The following NUAK1 variants were observed in gnomAD, a reference collection of about 807,000 sequenced individuals.
The protein encoded by NUAK1 is NUAK family SNF1-like kinase 1.
Under a neutral mutation model 56.9 loss-of-function variants are expected in NUAK1, and 26 were observed. The observed-to-expected ratio is 0.46, with a 90% CI of 0.33 to 0.63. The LOEUF is 0.63. NUAK1 is among the 30% of genes least tolerant of loss of function. The pLI, the probability that NUAK1 is intolerant of heterozygous loss-of-function variation, is 0.02. For missense variants in NUAK1, 727 were observed against 876.1 expected, an observed-to-expected ratio of 0.83 and a Z score of 2.15; for synonymous variants, 337 against 336.0, an observed-to-expected ratio of 1.00 and a Z score of -0.03.
At chr12:106,075,480 A>G (rs2032454644) in intron 4 of NUAK1, among the ~76,000 whole-genome samples, 1 of 152,188 alleles carries the variant, frequency 6.6e-6, no homozygotes, top group African/African-American at 2.4e-5. Flanking sequence ...TCTGTAAAAT[A>G]GCGTTAGGAA....
rs185277964 is a variant in NUAK1 at position 106,123,141 on chromosome 12, C to A, written c.240+15273G>T. Among the ~76,000 whole-genome samples the A allele has an allele frequency of 8.7e-4, 133 of 152,240 alleles. 1 individual carries two copies. The East Asian group carries it at 0.015, about 17-fold the overall frequency. ...ATCGTTACTGGGTGCTTAGTGCATA[C>A]CAGGAACTGTTCTAGACACCGGAGA... On this transcript the variant is annotated intron_variant, in intron 1 of 6. Transcript: ENST00000261402.
chr12:106,119,394 CA>C (rs2032951878), intron 1 of NUAK1, among the ~76,000 whole-genome samples: 1 of 152,174 alleles, frequency 6.6e-6, no homozygotes, highest in Non-Finnish European at 1.5e-5. Context: ...GAGCGCCATT[CA>C]GCCCTGAAGA....
chr12:106,119,051 G>T (rs2032948114), intron 1 of NUAK1, among the ~76,000 whole-genome samples: 1 of 152,118 alleles, frequency 6.6e-6, no homozygotes, highest in South Asian at 2.1e-4. Context: ...CAGAGACTGG[G>T]TCTGGCATGC....
In NUAK1 at chr12:106,067,914, C is replaced by G; in HGVS notation, c.874G>C (p.Asp292His). Residue 292 changes from aspartate to histidine, a missense_variant, in exon 7 of 7, where the codon GAT becomes CAT. Asp to His is a moderately conservative substitution (Grantham distance 81). Coordinates refer to ENST00000261402, the MANE Select transcript of NUAK1 (RefSeq NM_014840.3). The surrounding 1 kb of genome is among the most constrained non-coding windows in gnomAD (Gnocchi z 6.0). ...LIRWMLMVNP[D>H]RRATIEDIAN... ...ATGTCCTCAATAGTGGCCCGGCGATCGGGGTTCACCATCAGCATCCACCGT... is the reference window on the plus strand; with the variant it reads ...ATGTCCTCAATAGTGGCCCGGCGATGGGGGTTCACCATCAGCATCCACCGT... 1 of 1,613,226 alleles carries G rather than the reference C, an allele frequency of 6.2e-7. No homozygotes were observed. The highest frequency in any genetic ancestry group is 8.5e-7 in the Non-Finnish European group (1 of 1,179,416).
At position 106,067,539 on chromosome 12, in the gene NUAK1, T is replaced by G. The variant is rs202168878; in HGVS notation, c.1249A>C (p.Ile417Leu). Residue 417 changes from isoleucine to leucine, a missense_variant, in exon 7 of 7, where the codon ATT (isoleucine) becomes CTT (leucine). Physicochemically the swap from Ile to Leu is conservative, Grantham distance 5. Coordinates refer to ENST00000261402, the MANE Select transcript of NUAK1 (RefSeq NM_014840.3). This position sits in a 1 kb window ranked among gnomAD's most constrained non-coding sequence, Gnocchi z 6.0. ...AAGGCAGGACCAACTACACCTTCAA[T>G]GAAGCCAGTGCTGTGAGAGCGATGC... is the stretch of plus-strand genomic sequence containing the variant. ...SEHRSHSTGF[I>L]EGVVGPALPS... 3.7e-5 allele frequency: 60 copies of G among 1,614,112 alleles called. No individual in the cohort carries two copies. The highest frequency in any genetic ancestry group is 5.1e-5 in the Non-Finnish European group (60 of 1,180,042).
chr12:106,070,224 G>A (rs1157178138), intron 6 of NUAK1, among the ~76,000 whole-genome samples: 1 of 152,134 alleles, frequency 6.6e-6, no homozygotes, highest in Non-Finnish European at 1.5e-5. Flanking sequence ...AAGGCCATAA[G>A]AGCACTTCCC....
intron 1 of NUAK1, among the ~76,000 whole-genome samples, chr12:106,131,603 A>C (rs1036441560): frequency 1.3e-5 from 2 of 152,238 alleles, no homozygotes; most frequent in African/African-American, 4.8e-5. Flanking sequence ...ATATTCCACA[A>C]ATGAAATGGA....
chr12:106,133,552 C>A (rs951577715), intron 1 of NUAK1, among the ~76,000 whole-genome samples: 1 of 152,186 alleles, frequency 6.6e-6, no homozygotes, highest in East Asian at 1.9e-4. Flanking sequence ...AGTTACCTAA[C>A]CTCCCTATGT....
At chr12:106,132,086 C>A (rs2033083676) in intron 1 of NUAK1, among the ~76,000 whole-genome samples, 10 of 152,226 alleles carry the variant, frequency 6.6e-5, no homozygotes, top group Admixed American at 5.2e-4. Flanking sequence ...CCACTGAGGA[C>A]AAGAAGCCAC....
chr12:106,122,958 G>A (rs767274897), intron 1 of NUAK1, among the ~76,000 whole-genome samples: 4 of 152,162 alleles, frequency 2.6e-5, no homozygotes, highest in Non-Finnish European at 4.4e-5. Context: ...CCAGAGCCTC[G>A]CATAACGCCC....
At chr12:106,101,975 G>A (rs1241885323) in intron 2 of NUAK1, among the ~76,000 whole-genome samples, 1 of 152,152 alleles carries the variant, frequency 6.6e-6, no homozygotes, top group African/African-American at 2.4e-5. Context: ...TACAGCCTTG[G>A]CAATCTCCTG....
chr12:106,081,728 A>G (rs1299286684), intron 4 of NUAK1, among the ~76,000 whole-genome samples: 1 of 152,240 alleles, frequency 6.6e-6, no homozygotes, highest in Non-Finnish European at 1.5e-5. Flanking sequence ...ATAGAAAGCT[A>G]TGTGTCTTAT....
chr12:106,075,630 G>A (rs1237359648), intron 4 of NUAK1, among the ~76,000 whole-genome samples: 5 of 152,314 alleles, frequency 3.3e-5, no homozygotes, highest in South Asian at 4.1e-4. Flanking sequence ...AATTACCTTC[G>A]TTATACTAGA....
intron 5 of NUAK1, 112 bp downstream of exon 5, chr12:106,072,612 G>A: frequency 8.2e-7 from 1 of 1,224,870 alleles, no homozygotes; most frequent in Non-Finnish European, 1.1e-6. Flanking sequence ...CGTTTTCCTT[G>A]CTGGCTTTTT....
intron 1 of NUAK1, among the ~76,000 whole-genome samples, chr12:106,107,014 G>A (rs1310489232): frequency 1.3e-5 from 2 of 152,160 alleles, no homozygotes; most frequent in Admixed American, 1.3e-4. Flanking sequence ...TCAAGCCTCG[G>A]CTTTTAAGAC....
chr12:106,132,180 A>G (rs376813045), intron 1 of NUAK1, among the ~76,000 whole-genome samples: 4 of 152,242 alleles, frequency 2.6e-5, no homozygotes, highest in African/African-American at 9.6e-5. Flanking sequence ...ATTCGTGCAG[A>G]AAAGGGTCTG....
intron 3 of NUAK1, among the ~76,000 whole-genome samples, chr12:106,084,237 T>C (rs999361160): frequency 6.6e-6 from 1 of 152,164 alleles, no homozygotes. Flanking sequence ...AATTCCACTG[T>C]GTGAAAGCAA....
chr12:106,066,866 G>C lies in NUAK1; in HGVS notation c.1922C>G (p.Thr641Arg). The change falls in exon 7 of 7, where the codon ACA becomes AGA. Residue 641 changes from threonine to arginine, a missense_variant. Thr to Arg is a moderately conservative substitution (Grantham distance 71, BLOSUM62 -1). Transcript: ENST00000261402. ...RLADSSFSLL[T>R]DMDDVTQVYK... is the part of the protein sequence containing the mutation. ...GACCTGAGTCACATCATCCATGTCT[G>C]TGAGGAGGGAGAAGCTGCTGTCTGC... 6.2e-7 allele frequency: 1 copy of C among 1,614,218 alleles called. No individual in the cohort carries two copies. Among genetic ancestry groups the C allele is most frequent in the South Asian group, 1.1e-5 (1 of 91,090 alleles).
chr12:106,122,995 T>G (rs2032993062), intron 1 of NUAK1, among the ~76,000 whole-genome samples: 1 of 152,224 alleles, frequency 6.6e-6, no homozygotes, highest in East Asian at 1.9e-4. Context: ...TCGACAAATA[T>G]CAGATGAATC....
Sources: gnomAD v4.1 joint callset for allele counts (sites outside exome capture counted in the v4.1 genomes callset) on GRCh38, gnomAD v4.1.1 for gene constraint, Gnocchi (gnomAD v3.1) non-coding constraint, MANE v1.5 for transcripts, NCBI Gene and HGNC (gene_info 2026-07-23, HGNC 2026-07-21) for gene names.